Variants in DLGAP4 observed in about 807,000 individuals in gnomAD.
DLGAP4 encodes the protein disks large-associated protein 4.
Under a neutral mutation model 86.9 loss-of-function variants are expected in DLGAP4, and 18 were observed. The observed-to-expected ratio is 0.21, with a 90% CI of 0.14 to 0.31. The LOEUF (loss-of-function observed/expected upper bound fraction) is 0.31, where lower values mean the gene tolerates loss of function less well. Among genes scored for constraint, DLGAP4 ranks in the 10% least tolerant of loss-of-function variants. The pLI is 1.00. For synonymous variants in DLGAP4, 548 were observed against 574.3 expected (o/e 0.95, Z 0.65); for missense variants, 1,085 against 1,362.6 (o/e 0.80, Z 3.21).
intron 10 of DLGAP4, among the ~76,000 whole-genome samples, chr20:36,510,552 A>G (rs1009773377): frequency 3.3e-5 from 5 of 152,168 alleles, no homozygotes; most frequent in Non-Finnish European, 7.4e-5. Context: ...GGTGAGAGCC[A>G]CTGAGCCTGG....
rs776468808 is a variant in DLGAP4 at position 36,432,137 on chromosome 20, C to T, written c.420C>T (p.Arg140=). 5.6e-6 allele frequency: 9 copies of T among 1,614,106 alleles called. No individual in the cohort carries two copies. Among genetic ancestry groups the T allele is most frequent in the Admixed American group, 1.7e-5 (1 of 60,018 alleles). Residue 140 remains arginine, a synonymous_variant, in exon 3 of 13, where the codon CGC becomes CGT. Coordinates refer to ENST00000339266, the MANE Select transcript of DLGAP4 (RefSeq NM_001365621.2). The surrounding 1 kb of genome is among the most constrained non-coding windows in gnomAD (Gnocchi z 6.5). ...KARGESPGRI[R]HLVHSVQRLF... Reference sequence around the variant, plus strand: ...GTGGTGAGAGCCCTGGCCGCATCCGCCACCTGGTCCACTCAGTCCAGCGGC... The same window carrying T: ...GTGGTGAGAGCCCTGGCCGCATCCGTCACCTGGTCCACTCAGTCCAGCGGC...
chr20:36,503,891 G>A (rs901037720), intron 10 of DLGAP4, among the ~76,000 whole-genome samples: 1 of 152,076 alleles, frequency 6.6e-6, no homozygotes, highest in Non-Finnish European at 1.5e-5. Context: ...TTTTGTTGCT[G>A]AATAATATTT....
intron 2 of DLGAP4, among the ~76,000 whole-genome samples, chr20:36,428,799 T>C (rs2033048991): frequency 6.6e-6 from 1 of 152,262 alleles, no homozygotes; most frequent in Non-Finnish European, 1.5e-5. Flanking sequence ...ATTGCAGAGC[T>C]ACATTCTCTC....
chr20:36,385,021 C>A (rs2031544678), intron 2 of DLGAP4, among the ~76,000 whole-genome samples: 1 of 152,116 alleles, frequency 6.6e-6, no homozygotes, highest in African/African-American at 2.4e-5. Flanking sequence ...AGTATCTAAT[C>A]CTGGGTGTCA....
chr20:36,439,745 C>A lies in DLGAP4; in HGVS notation c.1242-9C>A, dbSNP rs1569500184. 1 of 1,610,744 alleles carries A rather than the reference C, an allele frequency of 6.2e-7. No homozygotes were observed. Among genetic ancestry groups the A allele is most frequent in the Non-Finnish European group, 8.5e-7 (1 of 1,178,816 alleles). On this transcript the variant is annotated splice_polypyrimidine_tract_variant and intron_variant, in intron 4 of 12. Transcript: ENST00000339266. ...GGCTGAGCCCTGTCTGCTCCCCACT[C>A]CCCACCAGGAGTCTGGACCGCCTGG... is the stretch of plus-strand genomic sequence containing the variant.
chr20:36,400,033 G>T (rs984852080), intron 2 of DLGAP4, among the ~76,000 whole-genome samples: 6 of 152,224 alleles, frequency 3.9e-5, no homozygotes, highest in Non-Finnish European at 4.4e-5. Context: ...TGTCCTGCCA[G>T]CCATTCCTGT....
At chr20:36,361,437 G>GT (rs1190086115) in intron 1 of DLGAP4, among the ~76,000 whole-genome samples, 4 of 152,264 alleles carry the variant, frequency 2.6e-5, no homozygotes, top group Middle Eastern at 3.4e-3. Flanking sequence ...TGTTTGGTTT[G>GT]TTTTTTGTGT....
intron 1 of DLGAP4, among the ~76,000 whole-genome samples, chr20:36,361,293 AG>A (rs1183214544): frequency 6.6e-6 from 1 of 152,224 alleles, no homozygotes; most frequent in Admixed American, 6.5e-5. Flanking sequence ...TTGAGCTAAA[AG>A]GTTCTGTGTA....
chr20:36,499,380 CGCCT>C (rs1001694384), intron 8 of DLGAP4: 27 of 1,524,758 alleles, frequency 1.8e-5, no homozygotes, highest in African/African-American at 5.5e-5. Flanking sequence ...CCCGCCCGCC[CGCCT>C]GCCCGCCTCC....
intron 5 of DLGAP4, 79 bp from the exon 6 acceptor site, chr20:36,442,648 T>G (rs984466773): frequency 6.6e-7 from 1 of 1,521,978 alleles, no homozygotes; most frequent in Non-Finnish European, 9.1e-7. Flanking sequence ...GCTTCAAGTT[T>G]CCTTGCAATT....
intron 2 of DLGAP4, among the ~76,000 whole-genome samples, chr20:36,422,856 C>T (rs574413020): frequency 1.3e-5 from 2 of 152,280 alleles, no homozygotes; most frequent in East Asian, 3.9e-4. Flanking sequence ...TATGGGCACC[C>T]GGGTGGGCCT....
chr20:36,306,773 G>A lies in DLGAP4; in HGVS notation c.-304+261G>A, dbSNP rs1333620736. The stretch of plus-strand genomic sequence containing the variant: ...GTCTCCCCGGACCCTCAAATCGGGG[G>A]CGGCGGCACCGGGGCCCGGAACCCC... On this transcript the variant is annotated intron_variant, in intron 1 of 12. Transcript: ENST00000339266. The surrounding 1 kb of genome is among the most constrained non-coding windows in gnomAD (Gnocchi z 4.9). Among the ~76,000 whole-genome samples, 2 of 152,184 alleles carry A rather than the reference G, an allele frequency of 1.3e-5. No individual in the cohort carries two copies. The highest frequency in any genetic ancestry group is 6.5e-5 in the Admixed American group (1 of 15,294).
chr20:36,442,327 TGG>T (rs35495673), intron 5 of DLGAP4, among the ~76,000 whole-genome samples: 9 of 152,194 alleles, frequency 5.9e-5, no homozygotes, highest in African/African-American at 1.7e-4. Context: ...CCCTAGTAGC[TGG>T]GATTATAGGC....
chr20:36,446,632 A>G, intron 6 of DLGAP4, 65 bp from the exon 7 acceptor site: 1 of 1,505,158 alleles, frequency 6.6e-7, no homozygotes, highest in Non-Finnish European at 9.0e-7. Context: ...GCCCACCACC[A>G]AGAACCGCTC....
intron 2 of DLGAP4, among the ~76,000 whole-genome samples, chr20:36,368,235 C>T (rs909222190): frequency 6.6e-6 from 1 of 152,246 alleles, no homozygotes; most frequent in Non-Finnish European, 1.5e-5. Flanking sequence ...TTGGCCAGTG[C>T]CAGTCCCTGC....
intron 7 of DLGAP4, among the ~76,000 whole-genome samples, chr20:36,456,113 A>G (rs899037360): frequency 6.6e-6 from 1 of 152,204 alleles, no homozygotes. Flanking sequence ...TACATCTGCA[A>G]TTCCTGATCT....
At chr20:36,336,373 G>C (rs1421091069) in intron 1 of DLGAP4, among the ~76,000 whole-genome samples, 1 of 152,148 alleles carries the variant, frequency 6.6e-6, no homozygotes, top group East Asian at 1.9e-4. Flanking sequence ...TCTGCCCCCA[G>C]ACACCTGCAG....
intron 2 of DLGAP4, among the ~76,000 whole-genome samples, chr20:36,370,115 T>C: frequency 6.6e-6 from 1 of 152,140 alleles, no homozygotes; most frequent in East Asian, 1.9e-4. Context: ...TTTTAAGGCT[T>C]GGGAGGCCAG....
chr20:36,381,416 T>C (rs1284806841), intron 2 of DLGAP4, among the ~76,000 whole-genome samples: 1 of 152,222 alleles, frequency 6.6e-6, no homozygotes, highest in African/African-American at 2.4e-5. Context: ...TAAATAGTTA[T>C]TGAATGAATG....
Sources: gnomAD v4.1 joint callset for allele counts (sites outside exome capture counted in the v4.1 genomes callset) on GRCh38, gnomAD v4.1.1 for gene constraint, Gnocchi (gnomAD v3.1) non-coding constraint, MANE v1.5 for transcripts, NCBI Gene and HGNC (gene_info 2026-07-23, HGNC 2026-07-21) for gene names.